The following DSCAM variants were observed in gnomAD, a reference collection of about 807,000 sequenced individuals.
DSCAM encodes DS cell adhesion molecule, also known as cell adhesion molecule DSCAM.
A neutral mutation model predicts 217.7 loss-of-function variants in DSCAM; 47 were observed. That is an observed-to-expected ratio of 0.22 (90% CI 0.17 to 0.28). DSCAM has a LOEUF of 0.28. DSCAM is among the 10% of genes least tolerant of loss of function. The pLI, the probability that DSCAM is intolerant of heterozygous loss-of-function variation, is 1.00. For synonymous variants in DSCAM, 1,056 were observed against 1,015.3 expected, an observed-to-expected ratio of 1.04 and a Z score of -0.76; for missense variants, 2,080 against 2,618.3, an observed-to-expected ratio of 0.79 and a Z score of 4.49.
Position 40,519,455 on chromosome 21 carries a change from T to C in DSCAM, c.509-150210A>G, listed in dbSNP as rs192443829. On this transcript the variant is annotated intron_variant, in intron 3 of 32. Transcript: ENST00000400454. Reference sequence around the variant, plus strand: ...GATTTGAGAGCCCTCATGAACGGTATTGTGCACTCTTAAAAGACACCTGAG... The same window carrying C: ...GATTTGAGAGCCCTCATGAACGGTACTGTGCACTCTTAAAAGACACCTGAG... Among the ~76,000 whole-genome samples, 8 of 152,284 alleles carry C rather than the reference T, an allele frequency of 5.3e-5. No homozygotes were observed. The East Asian group carries it at 1.4e-3, about 26-fold the overall frequency.
chr21:40,079,738 A>G (rs2089425399), intron 25 of DSCAM, among the ~76,000 whole-genome samples: 1 of 151,900 alleles, frequency 6.6e-6, no homozygotes, highest in South Asian at 2.1e-4. Flanking sequence ...AAACAAACGC[A>G]ATTTACCCCA....
intron 29 of DSCAM, among the ~76,000 whole-genome samples, 182 bp from the exon 30 acceptor site, chr21:40,052,289 G>C (rs1483467465): frequency 6.6e-6 from 1 of 152,208 alleles, no homozygotes; most frequent in Non-Finnish European, 1.5e-5. Flanking sequence ...TAGAGTGCTA[G>C]GAATAGAAGC....
intron 3 of DSCAM, among the ~76,000 whole-genome samples, chr21:40,687,138 C>G (rs1416101253): frequency 6.6e-6 from 1 of 152,076 alleles, no homozygotes; most frequent in African/African-American, 2.4e-5. Context: ...CATACAAAGA[C>G]AGATAGCTAG....
At position 40,133,918 on chromosome 21, in the gene DSCAM, C is replaced by A; in HGVS notation, c.3498G>T (p.Leu1166=). ...CCCCGTCTCCTGCGCGGGTGAAGGC[C>A]AGCACCTGGATGCTGTAGTTGGTGT... The part of the protein sequence containing the change: ...EKYTNYSIQV[L]AFTRAGDGVR... Residue 1166 remains leucine, a synonymous_variant, in exon 19 of 33, where the codon CTG becomes CTT. Coordinates refer to ENST00000400454, the MANE Select transcript of DSCAM (RefSeq NM_001389.5). The A allele has an allele frequency of 1.2e-6, 2 of 1,613,822 alleles. No individual in the cohort carries two copies.
At chr21:40,309,979 C>A (rs2074120087) in intron 9 of DSCAM, among the ~76,000 whole-genome samples, 1 of 152,160 alleles carries the variant, frequency 6.6e-6, no homozygotes, top group Non-Finnish European at 1.5e-5. Context: ...AAATCCACAC[C>A]TCAAAATGGC....
In DSCAM at chr21:40,072,564, G is replaced by A. The variant is rs1047172709; in HGVS notation, c.4888+2473C>T. 7.9e-5 allele frequency among the ~76,000 whole-genome samples: 12 copies of A among 152,000 alleles called. No individual in the cohort carries two copies. In the East Asian group the frequency reaches 1.9e-3, roughly 25 times the overall value. On this transcript the variant is annotated intron_variant, in intron 27 of 32. Coordinates refer to ENST00000400454, the MANE Select transcript of DSCAM (RefSeq NM_001389.5). ...GGGGTTTCACCATGTTAGCCAGGAT[G>A]GTCTCGATCTCCTGACCTCGTGATC...
intron 8 of DSCAM, among the ~76,000 whole-genome samples, chr21:40,333,378 T>C (rs892072490): frequency 3.3e-5 from 5 of 152,324 alleles, no homozygotes; most frequent in Non-Finnish European, 7.4e-5. Context: ...GATCGATTGA[T>C]TGATTGAGAC....
chr21:40,795,366 T>C (rs991054048), intron 1 of DSCAM, among the ~76,000 whole-genome samples: 2 of 148,008 alleles, frequency 1.4e-5, no homozygotes, highest in African/African-American at 2.5e-5. Context: ...TTTTTTTTTT[T>C]CGAAATCCAA....
intron 3 of DSCAM, among the ~76,000 whole-genome samples, chr21:40,519,702 A>T (rs954635331): frequency 6.6e-6 from 1 of 152,152 alleles, no homozygotes; most frequent in African/African-American, 2.4e-5. Context: ...CAGAGGAGAA[A>T]TTGTGACTCA....
intron 3 of DSCAM, among the ~76,000 whole-genome samples, chr21:40,371,558 A>T (rs2074899179): frequency 6.6e-6 from 1 of 152,214 alleles, no homozygotes; most frequent in Non-Finnish European, 1.5e-5. Flanking sequence ...AGAAAGGTTG[A>T]GAAATGCACA....
intron 15 of DSCAM, among the ~76,000 whole-genome samples, chr21:40,169,987 C>G (rs1446352491): frequency 1.3e-5 from 2 of 152,152 alleles, no homozygotes; most frequent in Non-Finnish European, 2.9e-5. Context: ...CTATTGTACT[C>G]TTTTAAAAGG....
intron 28 of DSCAM, among the ~76,000 whole-genome samples, chr21:40,058,361 G>C (rs2146511221): frequency 6.6e-6 from 1 of 152,184 alleles, no homozygotes; most frequent in African/African-American, 2.4e-5. Context: ...CCCATTCTCT[G>C]TTTAATTTTG....
intron 11 of DSCAM, among the ~76,000 whole-genome samples, chr21:40,259,329 C>T (rs537240629): frequency 1.8e-4 from 28 of 151,644 alleles, no homozygotes; most frequent in African/African-American, 6.8e-4. Flanking sequence ...CAAGCTTCCT[C>T]TTGCCATAGG....
intron 2 of DSCAM, among the ~76,000 whole-genome samples, chr21:40,701,690 ACAGAT>A (rs2090658310): frequency 6.7e-6 from 1 of 149,004 alleles, no homozygotes. Flanking sequence ...TTTTTTTGAC[ACAGAT>A]CATTTAAAAG....
intron 4 of DSCAM, among the ~76,000 whole-genome samples, chr21:40,367,721 T>G (rs1001673827): frequency 6.6e-6 from 1 of 152,192 alleles, no homozygotes; most frequent in African/African-American, 2.4e-5. Flanking sequence ...ATCTATCACC[T>G]CCCTGTCTTC....
At chr21:40,064,571 C>T (rs761519706) in intron 27 of DSCAM, among the ~76,000 whole-genome samples, 51 of 152,190 alleles carry the variant, frequency 3.4e-4, no homozygotes, top group Non-Finnish European at 6.8e-4. Context: ...AGGTCTTTCA[C>T]AGGTCTAGAT....
At chr21:40,067,332 A>T (rs2089221383) in intron 27 of DSCAM, among the ~76,000 whole-genome samples, 1 of 152,152 alleles carries the variant, frequency 6.6e-6, no homozygotes, top group Non-Finnish European at 1.5e-5. Flanking sequence ...ATTTTCTAAC[A>T]CCTCTAATTT....
chr21:40,694,480 T>C (rs1002826696), intron 2 of DSCAM, among the ~76,000 whole-genome samples: 8 of 152,124 alleles, frequency 5.3e-5, no homozygotes, highest in African/African-American at 1.7e-4. Flanking sequence ...CGGGCTAACC[T>C]TGTGATATGC....
chr21:40,453,067 TGTGTGTGTGTGTGTGTGTGTGTGTGA>T (rs1209142449), intron 3 of DSCAM, among the ~76,000 whole-genome samples: 18 of 150,166 alleles, frequency 1.2e-4, no homozygotes, highest in Admixed American at 1.1e-3. Flanking sequence ...TGTGTGTGTG[TGTGTGTGTGTGTGTGTGTGTGTGTGA>T]GATATATGTG....
Sources: gnomAD v4.1 joint callset for allele counts (sites outside exome capture counted in the v4.1 genomes callset) on GRCh38, gnomAD v4.1.1 for gene constraint, MANE v1.5 for transcripts, NCBI Gene and HGNC (gene_info 2026-07-23, HGNC 2026-07-21) for gene names.